Variants in DYSF observed in about 807,000 individuals in gnomAD.
DYSF encodes the protein dysferlin.
In DYSF, 212 loss-of-function variants were observed where a neutral mutation model predicts 274.9. The ratio of observed to expected loss-of-function variants is 0.77; its 90% CI spans 0.69 to 0.86. The LOEUF is 0.86. Among genes scored for constraint, DYSF ranks in the 40% least tolerant of loss-of-function variants. The pLI is 0.00. For missense variants in DYSF, 2,666 were observed against 2,783.2 expected, an observed-to-expected ratio of 0.96 and a Z score of 0.95; for synonymous variants, 1,091 against 1,078.7, an observed-to-expected ratio of 1.01 and a Z score of -0.22.
intron 30 of DYSF, among the ~76,000 whole-genome samples, chr2:71,583,579 C>T (rs190787902): frequency 6.6e-6 from 1 of 152,326 alleles, no homozygotes; most frequent in African/African-American, 2.4e-5. Flanking sequence ...CCTGCTCTGG[C>T]CCTTCTGTCA....
At position 71,513,223 on chromosome 2, in the gene DYSF, C is replaced by T; in HGVS notation, c.461-17C>T. ...TCCTCCCTCCCCTCCCGGGGTTATGCCCTGCCCACAAGACAGGCGGGGGAC... is the reference window on the plus strand; with the variant it reads ...TCCTCCCTCCCCTCCCGGGGTTATGTCCTGCCCACAAGACAGGCGGGGGAC... On this transcript the variant is annotated splice_polypyrimidine_tract_variant and intron_variant, in intron 5 of 55. Transcript: ENST00000410020. The T allele has an allele frequency of 6.4e-7, 1 of 1,551,374 alleles. No homozygotes were observed. Among genetic ancestry groups the T allele is most frequent in the Non-Finnish European group, 8.7e-7 (1 of 1,146,740 alleles).
At chr2:71,618,328 TGGGGTGTGTGTGTGGTAGA>T (rs1394158277) in intron 40 of DYSF, among the ~76,000 whole-genome samples, 1,568 of 22,942 alleles carry the variant, frequency 0.068, 107 homozygotes, top group Middle Eastern at 0.12. Flanking sequence ...GTGGTAGAGA[TGGGGTGTGTGTGTGGTAGA>T]GGGGTGTGTG....
rs781496976 is a variant in DYSF, at chr2:71,600,771, T to C, written c.3826T>C (p.Phe1276Leu). ...SLERMPRLAW[F>L]PLTRGSQPSG... is the part of the protein sequence containing the mutation. Reference sequence around the variant, plus strand: ...GGAACGGATGCCACGGCTGGCCTGGTTCCCACTGACGAGGGGCAGCCAGCC... The same window carrying C: ...GGAACGGATGCCACGGCTGGCCTGGCTCCCACTGACGAGGGGCAGCCAGCC... The change falls in exon 34 of 56, where the codon TTC (phenylalanine) becomes CTC (leucine). Residue 1276 changes from phenylalanine (F) to leucine (L), a missense_variant. Phe to Leu is a conservative substitution (Grantham distance 22, BLOSUM62 0). Transcript: ENST00000410020. 2 of 1,613,650 alleles carry C rather than the reference T, an allele frequency of 1.2e-6. No individual in the cohort carries two copies. Among genetic ancestry groups the C allele is most frequent in the South Asian group, 2.2e-5 (2 of 91,086 alleles).
chr2:71,546,068 C>A (rs2090441576), intron 17 of DYSF, among the ~76,000 whole-genome samples: 1 of 152,246 alleles, frequency 6.6e-6, no homozygotes, highest in Non-Finnish European at 1.5e-5. Context: ...TGGAGCTGTC[C>A]TTGATGACTC....
chr2:71,679,622 CTG>C (rs1449879034), intron 53 of DYSF, among the ~76,000 whole-genome samples: 2 of 152,142 alleles, frequency 1.3e-5, no homozygotes, highest in East Asian at 3.9e-4. Flanking sequence ...ATTCTGCTCT[CTG>C]AGAGGTCTGC....
chr2:71,492,545 C>T (rs2083950323), intron 3 of DYSF, among the ~76,000 whole-genome samples: 1 of 151,962 alleles, frequency 6.6e-6, no homozygotes, highest in South Asian at 2.1e-4. Context: ...ACATGGTAAC[C>T]CTTCTGGAAC....
chr2:71,478,845 T>C lies in DYSF; in HGVS notation c.92-2038T>C, dbSNP rs188525995. ...CACGTGCTCTCTTTCTCTTTTTTTC[T>C]CTCTCCTCTTCTTCAAATCCTCCCT... On this transcript the variant is annotated intron_variant, in intron 1 of 55. Coordinates refer to ENST00000410020, the MANE Select transcript of DYSF (RefSeq NM_001130987.2). Among the ~76,000 whole-genome samples, 27 of 152,154 alleles carry C rather than the reference T, an allele frequency of 1.8e-4. No individual in the cohort carries two copies. In the East Asian group the frequency reaches 5.2e-3, roughly 30 times the overall value.
chr2:71,634,877 C>T (rs2094372923), intron 41 of DYSF, among the ~76,000 whole-genome samples: 1 of 152,332 alleles, frequency 6.6e-6, no homozygotes, highest in South Asian at 2.1e-4. Flanking sequence ...CTTCTCATTT[C>T]AGCCCCCAAA....
intron 36 of DYSF, among the ~76,000 whole-genome samples, chr2:71,608,604 G>T (rs1467865071): frequency 6.6e-6 from 1 of 152,108 alleles, no homozygotes; most frequent in Non-Finnish European, 1.5e-5. Flanking sequence ...TTCCTCCAGG[G>T]CCTTCTCCAA....
chr2:71,601,808 C>G (rs986818479), intron 35 of DYSF, among the ~76,000 whole-genome samples: 2 of 152,222 alleles, frequency 1.3e-5, no homozygotes, highest in African/African-American at 4.8e-5. Flanking sequence ...GCTGGCTGAG[C>G]ATTAGAATCT....
chr2:71,682,795 G>T, intron 55 of DYSF, 118 bp downstream of exon 55: 1 of 1,422,436 alleles, frequency 7.0e-7, no homozygotes, highest in Non-Finnish European at 9.6e-7. Context: ...TCCTTGGAGA[G>T]CCCCTGGTCT....
chr2:71,659,584 A>G (rs2094839731), intron 44 of DYSF, among the ~76,000 whole-genome samples: 1 of 152,244 alleles, frequency 6.6e-6, no homozygotes. Context: ...TTTGTTCATC[A>G]TGGACTATTG....
At chr2:71,526,697 G>A (rs2087961347) in intron 13 of DYSF, among the ~76,000 whole-genome samples, 1 of 152,236 alleles carries the variant, frequency 6.6e-6, no homozygotes, top group Non-Finnish European at 1.5e-5. Flanking sequence ...CCTCTGTGAG[G>A]AAGCCCGTCC....
At chr2:71,652,717 A>T (rs1005190571) in intron 42 of DYSF, among the ~76,000 whole-genome samples, 1 of 152,242 alleles carries the variant, frequency 6.6e-6, no homozygotes, top group African/African-American at 2.4e-5. Context: ...TTAAAATTTC[A>T]TCTGGAAGAA....
At chr2:71,652,130 C>T (rs889407979) in intron 42 of DYSF, among the ~76,000 whole-genome samples, 5 of 152,134 alleles carry the variant, frequency 3.3e-5, no homozygotes, top group Admixed American at 1.3e-4. Context: ...GAGTCCATGG[C>T]TTATTGACTG....
intron 41 of DYSF, 100 bp from the exon 42 acceptor site, chr2:71,643,865 T>C: frequency 1.1e-6 from 1 of 902,494 alleles, no homozygotes; most frequent in Non-Finnish European, 1.8e-6. Context: ...AGCCTTGTGG[T>C]CCAGAGCGGC....
At chr2:71,478,506 C>T (rs773036087) in intron 1 of DYSF, among the ~76,000 whole-genome samples, 24 of 152,212 alleles carry the variant, frequency 1.6e-4, no homozygotes, top group South Asian at 4.1e-4. Context: ...CCACCGCGCC[C>T]GGCCCAGGCA....
At chr2:71,618,339 TGTGGTAGAGGGGTG>T (rs2093976814) in intron 40 of DYSF, among the ~76,000 whole-genome samples, 1 of 15,400 alleles carries the variant, frequency 6.5e-5, no homozygotes, top group Non-Finnish European at 1.3e-4. Flanking sequence ...GGGGTGTGTG[TGTGGTAGAGGGGTG>T]TGTGTGTGGT....
At chr2:71,677,048 G>A (rs1449766657) in intron 52 of DYSF, among the ~76,000 whole-genome samples, 1 of 152,148 alleles carries the variant, frequency 6.6e-6, no homozygotes. Context: ...AGAAATATAT[G>A]GGTGGGTGGA....
Sources: allele counts gnomAD v4.1 joint callset (sites outside exome capture counted in the v4.1 genomes callset), GRCh38; gene constraint gnomAD v4.1.1; transcripts MANE v1.5; gene names NCBI Gene and HGNC (gene_info 2026-07-23, HGNC 2026-07-21).